TKT: variants seen among roughly 807,000 people sequenced by gnomAD.
The protein encoded by TKT is transketolase.
In TKT, 47 loss-of-function variants were observed where a neutral mutation model predicts 63.9. The ratio of observed to expected loss-of-function variants is 0.74; its 90% CI spans 0.58 to 0.94. TKT has a LOEUF of 0.94. Ranked by LOEUF, TKT falls within the 40% of genes least tolerant of loss-of-function variation. The pLI is 0.00. For missense variants in TKT, 721 were observed against 846.2 expected (o/e 0.85, Z 1.84); for synonymous variants, 338 against 334.1 (o/e 1.01, Z -0.13).
chr3:53,231,810 C>A (rs1280450734), intron 6 of TKT: 7 of 498,572 alleles, frequency 1.4e-5, no homozygotes, highest in Non-Finnish European at 2.5e-5. Context: ...AAGGAGGGGC[C>A]AGACGTGGGC....
In TKT at chr3:53,226,367, T is replaced by TA. The variant is rs1704498736; in HGVS notation, c.1696+388dup. ...ATCTCTCCCACTGGGGCCTCCTACT[T>TA]AGAGAGGCTGGTGTGTACTTAGGGA... On this transcript the variant is annotated intron_variant, in intron 13 of 13. Transcript: ENST00000462138. 7.0e-5 allele frequency: 18 copies of TA among 255,548 alleles called. No homozygotes were observed. The South Asian group carries it at 9.9e-4, about 14-fold the overall frequency. 15.8% of individuals were successfully genotyped at this position (255,548 alleles called of 1,614,324 possible).
chr3:53,247,357 C>CA (rs71087068), intron 1 of TKT, among the ~76,000 whole-genome samples: 11,948 of 68,118 alleles, frequency 0.18, 1,119 homozygotes, highest in Non-Finnish European at 0.2. Flanking sequence ...AACTCAGCCT[C>CA]AAAAAAAAAA....
chr3:53,254,297 A>G (rs1286113487), intron 1 of TKT, among the ~76,000 whole-genome samples: 1 of 152,196 alleles, frequency 6.6e-6, no homozygotes, highest in Non-Finnish European at 1.5e-5. Flanking sequence ...AGGCTGGTGA[A>G]AGGGGAGCTG....
intron 10 of TKT, 40 bp downstream of exon 10, chr3:53,228,967 G>A (rs1003660277): frequency 1.7e-5 from 27 of 1,610,776 alleles, no homozygotes; most frequent in Non-Finnish European, 2.3e-5. Flanking sequence ...CTTGGGAAGT[G>A]ATGGCTGCCA....
Position 53,249,101 on chromosome 3 carries a change from G to T in TKT, c.107+6735C>A, listed in dbSNP as rs552927858. On this transcript the variant is annotated intron_variant, in intron 1 of 13. Transcript: ENST00000462138. ...CATGCCTCAGCCTCCCGAGTAGCTG[G>T]GGTTACAGGTGCCTGCTACCATGCC... is the stretch of plus-strand genomic sequence containing the variant. Among the ~76,000 whole-genome samples the T allele has an allele frequency of 2.6e-5, 4 of 152,018 alleles. No homozygotes were observed. The East Asian group carries it at 7.9e-4, about 30-fold the overall frequency.
intron 13 of TKT, 130 bp from the exon 14 acceptor site, chr3:53,226,061 G>A (rs1487284342): frequency 6.3e-6 from 5 of 788,152 alleles, no homozygotes; most frequent in African/African-American, 1.8e-5. Context: ...CTGTAGCCAT[G>A]AGCCCATCAC....
Position 53,241,343 on chromosome 3 carries a change from G to A in TKT, c.226-98C>T, listed in dbSNP as rs1705266665. Reference sequence around the variant, plus strand: ...TGACCCCTGGGGCCCGGCCGAGCCGGCCAACTGCAGCATCCATTTCAGGGG... The same window carrying A: ...TGACCCCTGGGGCCCGGCCGAGCCGACCAACTGCAGCATCCATTTCAGGGG... On this transcript the variant is annotated intron_variant, in intron 2 of 13. Transcript: ENST00000462138. 7.3e-6 allele frequency: 7 copies of A among 960,698 alleles called. No homozygotes were observed. In the South Asian group the frequency reaches 9.9e-5, roughly 14 times the overall value. The allele number at this position is 960,698 out of a possible 1,614,324, so 59.5% of individuals were successfully genotyped here.
rs1470277041 is a variant in TKT at position 53,256,019 on chromosome 3, C to G, written c.-77G>C. 5.9e-6 allele frequency: 5 copies of G among 852,856 alleles called. No individual in the cohort carries two copies. The highest frequency in any genetic ancestry group is 7.2e-5 in the South Asian group (2 of 27,930). The allele number at this position is 852,856 out of a possible 1,614,324, so 52.8% of individuals were successfully genotyped here. A position where few individuals can be genotyped will look rare whatever the true frequency, so the allele number is the denominator to read the frequency against. ...TGCTCCCGCGGCGACAGGCGGCTGC[C>G]GAGGCCGGGCGCGGGGCGGGGGCGC... On this transcript the variant is annotated 5_prime_UTR_variant, in exon 1 of 14. Transcript: ENST00000462138.
intron 1 of TKT, among the ~76,000 whole-genome samples, chr3:53,245,277 G>C (rs1553680703): frequency 7.1e-6 from 1 of 141,258 alleles, no homozygotes; most frequent in Non-Finnish European, 1.5e-5. Context: ...TTGCACTCCA[G>C]CCTTGGCAAC....
At chr3:53,241,792 G>C in intron 2 of TKT, 2 of 344,832 alleles carry the variant, frequency 5.8e-6, no homozygotes, top group South Asian at 5.6e-5. Context: ...CCACAACCCA[G>C]ACCGAGATGC....
chr3:53,227,988 G>C, intron 12 of TKT, 68 bp downstream of exon 12: 1 of 1,381,708 alleles, frequency 7.2e-7, no homozygotes, highest in Non-Finnish European at 1.0e-6. Context: ...AAGAACGAAA[G>C]AAAGAACCCC....
At chr3:53,248,143 C>G (rs1553681191) in intron 1 of TKT, among the ~76,000 whole-genome samples, 1 of 152,206 alleles carries the variant, frequency 6.6e-6, no homozygotes, top group East Asian at 1.9e-4. Context: ...TGGCACCATG[C>G]ATAGAAATTA....
intron 4 of TKT, 96 bp downstream of exon 4, chr3:53,240,155 A>G (rs1705208009): frequency 1.7e-6 from 2 of 1,204,416 alleles, no homozygotes; most frequent in Admixed American, 4.1e-5. Flanking sequence ...CCTAGCCAGG[A>G]AAGAGGAAGA....
chr3:53,235,414 T>C (rs919176252), intron 4 of TKT: 3 of 434,690 alleles, frequency 6.9e-6, no homozygotes, highest in South Asian at 4.6e-5. Context: ...GAAGAAGTAC[T>C]GGTTGTTAAG....
intron 4 of TKT, among the ~76,000 whole-genome samples, chr3:53,239,918 G>A (rs1444275919): frequency 1.3e-5 from 2 of 152,110 alleles, no homozygotes; most frequent in Admixed American, 6.5e-5. Flanking sequence ...CTGGGCACAG[G>A]GCTGGGGGCA....
chr3:53,228,191 G>T, intron 11 of TKT, 42 bp from the exon 12 acceptor site: 1 of 1,613,260 alleles, frequency 6.2e-7, no homozygotes. Flanking sequence ...AGGGCCCTGG[G>T]GCAGGGTGTG....
intron 5 of TKT, 67 bp from the exon 6 acceptor site, chr3:53,233,341 G>A (rs781867134): frequency 1.3e-5 from 17 of 1,348,662 alleles, no homozygotes; most frequent in Non-Finnish European, 1.5e-5. Context: ...GCCTTCCAGG[G>A]AAAGGTCTGC....
intron 1 of TKT, among the ~76,000 whole-genome samples, chr3:53,244,241 G>A (rs1449251170): frequency 6.6e-6 from 1 of 152,202 alleles, no homozygotes; most frequent in Non-Finnish European, 1.5e-5. Context: ...AAAGAAGAAC[G>A]CTTAGGAGCC....
chr3:53,231,226 C>T lies in TKT; in HGVS notation c.942+131G>A, dbSNP rs566578563. ...TCTGAGGGAAGTGACAGGAACAACA[C>T]CTCAGGGATCACTCCTCGCCCTAAA... On this transcript the variant is annotated intron_variant, in intron 7 of 13. Transcript: ENST00000462138. The T allele has an allele frequency of 7.9e-6, 8 of 1,008,474 alleles. No individual in the cohort carries two copies. In the African/African-American group the frequency reaches 8.1e-5, roughly 10 times the overall value. The allele number at this position is 1,008,474 out of a possible 1,614,324, so 62.5% of individuals were successfully genotyped here.
Sources: allele counts gnomAD v4.1 joint callset (sites outside exome capture counted in the v4.1 genomes callset), GRCh38; gene constraint gnomAD v4.1.1; transcripts MANE v1.5; gene names NCBI Gene and HGNC (gene_info 2026-07-23, HGNC 2026-07-21).